The following PKNOX2 variants were observed in gnomAD, a reference collection of about 807,000 sequenced individuals.
PKNOX2 encodes the protein PBX/knotted 1 homeobox 2, also known as homeobox protein PKNOX2.
Under a neutral mutation model 53.1 loss-of-function variants are expected in PKNOX2, and 14 were observed. The observed-to-expected ratio is 0.26, with a 90% CI of 0.17 to 0.41. The LOEUF (loss-of-function observed/expected upper bound fraction) is 0.41, where lower values mean the gene tolerates loss of function less well. Among genes scored for constraint, PKNOX2 ranks in the 10% least tolerant of loss-of-function variants. The pLI is 1.00. For synonymous variants in PKNOX2, 257 were observed against 242.8 expected (o/e 1.06, Z -0.54); for missense variants, 496 against 602.8 (o/e 0.82, Z 1.85).
chr11:125,207,322 G>A (rs1448518216), intron 1 of PKNOX2, among the ~76,000 whole-genome samples: 1 of 151,640 alleles, frequency 6.6e-6, no homozygotes, highest in African/African-American at 2.4e-5. Context: ...TATAGCTGGA[G>A]ACGTCTAGCA....
intron 2 of PKNOX2, among the ~76,000 whole-genome samples, chr11:125,281,941 A>G (rs1946586523): frequency 6.6e-6 from 1 of 152,204 alleles, no homozygotes; most frequent in South Asian, 2.1e-4. Flanking sequence ...AAAAAAGACC[A>G]TCGTTCCAAG....
intron 5 of PKNOX2, among the ~76,000 whole-genome samples, chr11:125,378,301 C>T (rs1405520481): frequency 6.6e-6 from 1 of 152,236 alleles, no homozygotes; most frequent in African/African-American, 2.4e-5. Context: ...CCCACCCCAC[C>T]GGCCAACAGC....
At chr11:125,431,097 G>A in intron 12 of PKNOX2, 69 bp from the exon 13 acceptor site, 1 of 1,550,792 alleles carries the variant, frequency 6.4e-7, no homozygotes, top group Non-Finnish European at 8.7e-7. Context: ...ATTAAACCCT[G>A]TCCAACACAG....
chr11:125,267,697 C>A (rs1945465543), intron 2 of PKNOX2, among the ~76,000 whole-genome samples: 1 of 152,082 alleles, frequency 6.6e-6, no homozygotes, highest in Non-Finnish European at 1.5e-5. Flanking sequence ...ATGGAGGAAG[C>A]CTGTGTGTGT....
intron 1 of PKNOX2, among the ~76,000 whole-genome samples, chr11:125,192,359 G>T (rs1031472521): frequency 4.6e-5 from 7 of 152,228 alleles, no homozygotes; most frequent in African/African-American, 1.7e-4. Context: ...TCTGAAGGCA[G>T]CTTGGGAAGA....
At chr11:125,301,458 C>T (rs1457788528) in intron 2 of PKNOX2, among the ~76,000 whole-genome samples, 3 of 151,804 alleles carry the variant, frequency 2.0e-5, no homozygotes, top group Non-Finnish European at 4.4e-5. Flanking sequence ...CAGCTGGCAG[C>T]ATCAAATCGA....
intron 10 of PKNOX2, among the ~76,000 whole-genome samples, chr11:125,423,182 CTAAG>C (rs1446276059): frequency 6.6e-6 from 1 of 152,014 alleles, no homozygotes; most frequent in Non-Finnish European, 1.5e-5. Context: ...GAAGAAGAAA[CTAAG>C]TAATTTGCCC....
intron 1 of PKNOX2, among the ~76,000 whole-genome samples, chr11:125,167,249 C>G (rs1954955862): frequency 6.6e-6 from 1 of 152,002 alleles, no homozygotes; most frequent in East Asian, 1.9e-4. Flanking sequence ...GAGATTTCCT[C>G]CTCTTAATAT....
intron 2 of PKNOX2, among the ~76,000 whole-genome samples, chr11:125,323,956 A>G (rs1333766314): frequency 6.6e-6 from 1 of 151,860 alleles, no homozygotes; most frequent in Non-Finnish European, 1.5e-5. Context: ...TGCATAAATT[A>G]CTCCATGTAA....
At chr11:125,255,208 G>C (rs933633182) in intron 2 of PKNOX2, among the ~76,000 whole-genome samples, 1 of 152,206 alleles carries the variant, frequency 6.6e-6, no homozygotes, top group South Asian at 2.1e-4. Flanking sequence ...TGAAACGAGC[G>C]AATGCATACC....
rs181293453 is a variant in PKNOX2 at position 125,283,795 on chromosome 11, T to G, written c.-129-48024T>G. 3.9e-5 allele frequency among the ~76,000 whole-genome samples: 6 copies of G among 152,274 alleles called. No homozygotes were observed. In the East Asian group the frequency reaches 1.2e-3, roughly 29 times the overall value. ...TGGGGAGTGGGGAAGAAGGGAATCA[T>G]GTTTGTGTCCAGGATAGAAAGGTGC... is the stretch of plus-strand genomic sequence containing the variant. On this transcript the variant is annotated intron_variant, in intron 2 of 12. Coordinates refer to ENST00000298282, the MANE Select transcript of PKNOX2 (RefSeq NM_001382323.2).
chr11:125,243,226 G>A (rs984632676), intron 2 of PKNOX2, among the ~76,000 whole-genome samples: 1 of 152,186 alleles, frequency 6.6e-6, no homozygotes, highest in Admixed American at 6.5e-5. Context: ...TGAACTCTGG[G>A]ACTTGTAGAG....
chr11:125,414,572 G>T (rs1413897969), intron 10 of PKNOX2, among the ~76,000 whole-genome samples: 1 of 152,160 alleles, frequency 6.6e-6, no homozygotes, highest in African/African-American at 2.4e-5. Context: ...GGGCCACACA[G>T]CCATGCACAT....
intron 2 of PKNOX2, among the ~76,000 whole-genome samples, chr11:125,304,141 T>C (rs756304062): frequency 6.6e-5 from 10 of 152,136 alleles, no homozygotes; most frequent in Non-Finnish European, 1.3e-4. Context: ...TAGGAAAGGC[T>C]GTTGGTGGGG....
At chr11:125,301,103 G>A (rs1181859753) in intron 2 of PKNOX2, among the ~76,000 whole-genome samples, 1 of 152,168 alleles carries the variant, frequency 6.6e-6, no homozygotes, top group African/African-American at 2.4e-5. Flanking sequence ...TGAGCTTGAA[G>A]GTGTCACTGG....
intron 6 of PKNOX2, among the ~76,000 whole-genome samples, chr11:125,388,818 G>A (rs1953833638): frequency 1.3e-5 from 2 of 152,058 alleles, no homozygotes. Context: ...ATTTCAGTGG[G>A]AACCTCCCTC....
At chr11:125,387,155 C>T (rs993271973) in intron 6 of PKNOX2, among the ~76,000 whole-genome samples, 10 of 152,280 alleles carry the variant, frequency 6.6e-5, no homozygotes, top group South Asian at 4.1e-4. Context: ...CCCTGTGCTC[C>T]GGCTGATCAG....
At chr11:125,219,158 G>C (rs1274190860) in intron 1 of PKNOX2, among the ~76,000 whole-genome samples, 1 of 152,176 alleles carries the variant, frequency 6.6e-6, no homozygotes, top group East Asian at 1.9e-4. Context: ...AGTAGCCCAG[G>C]CATGGTGGCT....
At chr11:125,365,928 G>C (rs1404345734) in intron 4 of PKNOX2, among the ~76,000 whole-genome samples, 1 of 152,208 alleles carries the variant, frequency 6.6e-6, no homozygotes, top group African/African-American at 2.4e-5. Context: ...CACGGTGCCT[G>C]GTACATGGCA....
Sources: allele counts gnomAD v4.1 joint callset (sites outside exome capture counted in the v4.1 genomes callset), GRCh38; gene constraint gnomAD v4.1.1; transcripts MANE v1.5; gene names NCBI Gene and HGNC (gene_info 2026-07-23, HGNC 2026-07-21).